Variants in LRFN5 observed in about 807,000 individuals in gnomAD.
The protein encoded by LRFN5 is leucine-rich repeat and fibronectin type-III domain-containing protein 5.
LRFN5 carries 24 observed loss-of-function variants against 45.6 expected under a neutral mutation model. The ratio of observed to expected loss-of-function variants is 0.53; its 90% CI spans 0.38 to 0.74. LRFN5 has a LOEUF of 0.74. Ranked by LOEUF, LRFN5 falls within the 30% of genes least tolerant of loss-of-function variation. The pLI is 0.00. For synonymous variants in LRFN5, 340 were observed against 313.8 expected, an observed-to-expected ratio of 1.08 and a Z score of -0.88; for missense variants, 776 against 861.5, an observed-to-expected ratio of 0.90 and a Z score of 1.24.
In LRFN5 at chr14:41,610,661, T is replaced by TAAAAAAAAAAAAAAA. The variant is rs199770856; in HGVS notation, c.-197+2107_-197+2121dup. Among the ~76,000 whole-genome samples, 310 of 37,278 alleles carry TAAAAAAAAAAAAAAA rather than the reference T, an allele frequency of 8.3e-3. 59 individuals carry two copies. Among genetic ancestry groups the TAAAAAAAAAAAAAAA allele is most frequent in the Non-Finnish European group, 0.013 (191 of 14,700 alleles). 24.5% of individuals were successfully genotyped at this position (37,278 alleles called of 152,430 possible). ...TACCCCTCTGAGGTCCCAGGGAAGG[T>TAAAAAAAAAAAAAAA]AAAAAAAAAAAAAAAAAAAAAAGTG... is the stretch of plus-strand genomic sequence containing the variant. On this transcript the variant is annotated intron_variant, in intron 1 of 5. Coordinates refer to ENST00000298119, the MANE Select transcript of LRFN5 (RefSeq NM_152447.5).
intron 1 of LRFN5, among the ~76,000 whole-genome samples, chr14:41,692,292 C>CT (rs200027968): frequency 0.015 from 2,283 of 151,528 alleles, 13 homozygotes; most frequent in African/African-American, 0.021. Flanking sequence ...TAAATGCTGT[C>CT]TTTTTTTTGT....
intron 2 of LRFN5, among the ~76,000 whole-genome samples, chr14:41,794,339 G>T (rs1406007172): frequency 6.6e-6 from 1 of 151,736 alleles, no homozygotes; most frequent in Non-Finnish European, 1.5e-5. Flanking sequence ...TTTTATTCTT[G>T]TAAATTATTC....
At chr14:41,629,588 A>G (rs1303779546) in intron 1 of LRFN5, among the ~76,000 whole-genome samples, 1 of 152,204 alleles carries the variant, frequency 6.6e-6, no homozygotes, top group Admixed American at 6.5e-5. Flanking sequence ...GTAGTTCTCT[A>G]AACGCAGTAA....
intron 1 of LRFN5, among the ~76,000 whole-genome samples, chr14:41,751,543 T>C (rs1190425588): frequency 1.3e-5 from 2 of 152,136 alleles, no homozygotes; most frequent in Non-Finnish European, 2.9e-5. Flanking sequence ...TTTATCACAT[T>C]ATAAAGTCAC....
chr14:41,614,485 A>G (rs1231706090), intron 1 of LRFN5, among the ~76,000 whole-genome samples: 1 of 152,138 alleles, frequency 6.6e-6, no homozygotes, highest in East Asian at 1.9e-4. Flanking sequence ...TTATTTTCTT[A>G]GTAACATGAA....
At chr14:41,667,119 A>G (rs1183465165) in intron 1 of LRFN5, among the ~76,000 whole-genome samples, 2 of 152,180 alleles carry the variant, frequency 1.3e-5, no homozygotes, top group Non-Finnish European at 2.9e-5. Flanking sequence ...TGGTTAAAAC[A>G]AGACAAAGAA....
intron 1 of LRFN5, among the ~76,000 whole-genome samples, chr14:41,733,067 A>G (rs1322480151): frequency 6.6e-6 from 1 of 151,882 alleles, no homozygotes; most frequent in East Asian, 1.9e-4. Context: ...AAAAAAACAG[A>G]TTGAACAAAA....
At chr14:41,761,963 A>T (rs532982063) in intron 1 of LRFN5, among the ~76,000 whole-genome samples, 1 of 152,196 alleles carries the variant, frequency 6.6e-6, no homozygotes, top group South Asian at 2.1e-4. Context: ...AATTTAAATT[A>T]TAATAATACA....
intron 1 of LRFN5, among the ~76,000 whole-genome samples, chr14:41,697,099 T>G (rs1882645693): frequency 6.6e-6 from 1 of 151,956 alleles, no homozygotes; most frequent in South Asian, 2.1e-4. Context: ...CTAAAACTTG[T>G]TAAGTATTAT....
At chr14:41,624,899 T>G (rs947459747) in intron 1 of LRFN5, among the ~76,000 whole-genome samples, 3 of 152,026 alleles carry the variant, frequency 2.0e-5, no homozygotes, top group Non-Finnish European at 4.4e-5. Flanking sequence ...CCCTCCTGCT[T>G]CTTAATTTTT....
intron 1 of LRFN5, among the ~76,000 whole-genome samples, chr14:41,653,354 G>C (rs562887723): frequency 2.9e-4 from 44 of 152,180 alleles, no homozygotes; most frequent in African/African-American, 1.0e-3. Context: ...GTGTAAGGTA[G>C]GGTTCAGTTT....
chr14:41,798,477 C>G (rs928512832), intron 2 of LRFN5, among the ~76,000 whole-genome samples: 2 of 151,912 alleles, frequency 1.3e-5, no homozygotes, highest in Admixed American at 6.6e-5. Context: ...GTACTTAAAA[C>G]AGAGCAGTGG....
intron 2 of LRFN5, among the ~76,000 whole-genome samples, chr14:41,832,723 G>T (rs1270079230): frequency 6.6e-6 from 1 of 152,004 alleles, no homozygotes; most frequent in Non-Finnish European, 1.5e-5. Flanking sequence ...GTAAAGCATT[G>T]CCCCAGTCCC....
At chr14:41,890,525 G>A (rs2139160018) in intron 3 of LRFN5, among the ~76,000 whole-genome samples, 1 of 151,364 alleles carries the variant, frequency 6.6e-6, no homozygotes, top group South Asian at 2.1e-4. Context: ...GGCTAACACA[G>A]TGAAACCCCG....
At chr14:41,889,114 CTA>C (rs1555330013) in intron 3 of LRFN5, among the ~76,000 whole-genome samples, 7 of 146,978 alleles carry the variant, frequency 4.8e-5, no homozygotes, top group Admixed American at 6.8e-5. Flanking sequence ...ATATATGTCT[CTA>C]TATATATATA....
At chr14:41,651,477 A>T (rs2138620279) in intron 1 of LRFN5, among the ~76,000 whole-genome samples, 1 of 152,318 alleles carries the variant, frequency 6.6e-6, no homozygotes, top group East Asian at 1.9e-4. Context: ...GAAAACAAAA[A>T]CAAAAACCTT....
At chr14:41,723,994 G>T (rs551068863) in intron 1 of LRFN5, among the ~76,000 whole-genome samples, 1 of 152,134 alleles carries the variant, frequency 6.6e-6, no homozygotes. Flanking sequence ...CTCCAAGTTA[G>T]CTCCAGGTCT....
At chr14:41,769,800 A>C (rs1886014654) in intron 2 of LRFN5, among the ~76,000 whole-genome samples, 1 of 152,134 alleles carries the variant, frequency 6.6e-6, no homozygotes, top group African/African-American at 2.4e-5. Context: ...TCATTTGACA[A>C]TTTGTAGTAT....
intron 1 of LRFN5, among the ~76,000 whole-genome samples, chr14:41,703,758 A>G (rs2138729890): frequency 6.6e-6 from 1 of 152,266 alleles, no homozygotes; most frequent in South Asian, 2.1e-4. Context: ...GCCTTCAAAG[A>G]TGATAGTGTC....
Sources: gnomAD v4.1 joint callset for allele counts (sites outside exome capture counted in the v4.1 genomes callset) on GRCh38, gnomAD v4.1.1 for gene constraint, MANE v1.5 for transcripts, NCBI Gene and HGNC (gene_info 2026-07-23, HGNC 2026-07-21) for gene names.